Variants in MALRD1 observed in about 807,000 individuals in gnomAD.
The protein encoded by MALRD1 is MAM and LDL-receptor class A domain-containing protein 1.
A neutral mutation model predicts 242.1 loss-of-function variants in MALRD1; 247 were observed. The observed-to-expected ratio is 1.02, with a 90% CI of 0.92 to 1.13. The LOEUF is 1.13. MALRD1 is among the 50% of genes most tolerant of loss of function. MALRD1 has a pLI of 0.00. For missense variants in MALRD1, 2,989 were observed against 2,533.1 expected (o/e 1.18, Z -3.86); for synonymous variants, 995 against 866.6 (o/e 1.15, Z -2.60).
chr10:19,656,675 T>C (rs1841165895), intron 36 of MALRD1, among the ~76,000 whole-genome samples: 1 of 152,124 alleles, frequency 6.6e-6, no homozygotes, highest in Non-Finnish European at 1.5e-5. Flanking sequence ...TAGATACAAA[T>C]TTGGCATTCT....
rs562446434 is a variant in MALRD1, at chr10:19,531,126, T to G, written c.5321-68T>G. The stretch of plus-strand genomic sequence containing the variant: ...AGGATAAAAAGATATCTGTTAATAG[T>G]TTAAACACATTCCGACTCATGCGAT... On this transcript the variant is annotated intron_variant, in intron 31 of 39. Coordinates refer to ENST00000454679, the MANE Select transcript of MALRD1 (RefSeq NM_001142308.3). 1.4e-5 allele frequency: 19 copies of G among 1,326,106 alleles called. No homozygotes were observed. The South Asian group carries it at 2.8e-4, about 20-fold the overall frequency. 82.1% of individuals were successfully genotyped at this position (1,326,106 alleles called of 1,614,324 possible).
chr10:19,311,495 T>A (rs2131990852), intron 21 of MALRD1, among the ~76,000 whole-genome samples: 1 of 151,566 alleles, frequency 6.6e-6, no homozygotes, highest in African/African-American at 2.4e-5. Flanking sequence ...AGTATTCTAG[T>A]GACTTAATGA....
chr10:19,329,809 T>C (rs1214447574), intron 23 of MALRD1, among the ~76,000 whole-genome samples: 1 of 152,120 alleles, frequency 6.6e-6, no homozygotes, highest in Non-Finnish European at 1.5e-5. Context: ...GTTAATCACA[T>C]TCGGTATTAA....
intron 32 of MALRD1, among the ~76,000 whole-genome samples, chr10:19,561,556 A>T (rs1835962872): frequency 6.6e-6 from 1 of 152,168 alleles, no homozygotes; most frequent in Non-Finnish European, 1.5e-5. Context: ...TCTCTTGAAC[A>T]TTATATAATG....
chr10:19,170,581 C>G (rs1033871004), intron 13 of MALRD1, among the ~76,000 whole-genome samples: 1 of 151,974 alleles, frequency 6.6e-6, no homozygotes, highest in East Asian at 1.9e-4. Flanking sequence ...AAAAGGTGAT[C>G]GAGTCTCCGT....
intron 21 of MALRD1, among the ~76,000 whole-genome samples, chr10:19,315,523 C>CTATAATTTATATAAATATATAAA (rs1842639800): frequency 1.5e-4 from 9 of 59,034 alleles, no homozygotes; most frequent in East Asian, 8.7e-4. Flanking sequence ...AAATATATAA[C>CTATAATTTATATAAATATATAAA]TATAATTTAT....
chr10:19,281,162 A>T (rs960401519), intron 20 of MALRD1, among the ~76,000 whole-genome samples: 4 of 152,244 alleles, frequency 2.6e-5, no homozygotes, highest in African/African-American at 9.6e-5. Context: ...AAGTCATAAA[A>T]TCAAAGCTGA....
At chr10:19,474,030 A>G (rs10740906) in intron 29 of MALRD1, among the ~76,000 whole-genome samples, 130,889 of 151,888 alleles carry the variant, frequency 0.86, 56,558 homozygotes, top group East Asian at 1. Flanking sequence ...CATTCCCATG[A>G]GTGTAAGATG....
intron 18 of MALRD1, among the ~76,000 whole-genome samples, chr10:19,236,000 GA>G (rs1335177168): frequency 2.0e-5 from 3 of 152,134 alleles, no homozygotes; most frequent in Admixed American, 2.0e-4. Flanking sequence ...TAAACATATA[GA>G]GATAGCTGAA....
chr10:19,563,472 C>A (rs544038542), intron 32 of MALRD1, among the ~76,000 whole-genome samples: 199 of 152,176 alleles, frequency 1.3e-3, no homozygotes, highest in Middle Eastern at 3.4e-3. Flanking sequence ...AAGAGCAGAC[C>A]CCTTTTAGAA....
intron 28 of MALRD1, among the ~76,000 whole-genome samples, chr10:19,424,350 G>C (rs1272532941): frequency 1.3e-5 from 2 of 151,988 alleles, no homozygotes; most frequent in Admixed American, 6.6e-5. Context: ...AGTAGAGATG[G>C]GGTTTCGCCA....
At chr10:19,077,954 A>G (rs546774176) in intron 2 of MALRD1, among the ~76,000 whole-genome samples, 1 of 151,794 alleles carries the variant, frequency 6.6e-6, no homozygotes, top group African/African-American at 2.4e-5. Flanking sequence ...AGCAAAACTC[A>G]TAAAGTAATT....
At chr10:19,148,788 A>AAATATATATATATATATATATATATATAT (rs1206724666) in intron 11 of MALRD1, among the ~76,000 whole-genome samples, 6 of 88,044 alleles carry the variant, frequency 6.8e-5, no homozygotes, top group Admixed American at 1.1e-4. Context: ...AAAAAAAAAA[A>AAATATATATATATATATATATATATATAT]ATATATATAT....
Position 19,205,110 on chromosome 10 carries a change from A to G in MALRD1, c.2423A>G (p.Asp808Gly), listed in dbSNP as rs1321595363. The stretch of plus-strand genomic sequence containing the variant: ...TATGATGGGGTCTCAGCTATTGATG[A>G]CATCCGATTTGAAAATTGTACTCTC... ...GIYDGVSAID[D>G]IRFENCTLPL... The change falls in exon 17 of 40, where the codon GAC (aspartate) becomes GGC (glycine). Residue 808 changes from aspartate to glycine, a missense_variant. Asp to Gly is a moderately conservative substitution (Grantham distance 94, BLOSUM62 -1). Transcript: ENST00000454679. 2 of 1,550,562 alleles carry G rather than the reference A, an allele frequency of 1.3e-6. No homozygotes were observed. The highest frequency in any genetic ancestry group is 1.4e-5 in the African/African-American group (1 of 73,014).
At chr10:19,356,674 T>G (rs1844650661) in intron 26 of MALRD1, among the ~76,000 whole-genome samples, 1 of 152,122 alleles carries the variant, frequency 6.6e-6, no homozygotes, top group Admixed American at 6.6e-5. Context: ...GGCTATTGGT[T>G]ACCCCAGTGG....
At chr10:19,220,018 A>T (rs1438369627) in intron 18 of MALRD1, among the ~76,000 whole-genome samples, 1 of 152,144 alleles carries the variant, frequency 6.6e-6, no homozygotes, top group Non-Finnish European at 1.5e-5. Flanking sequence ...TAGACAGTTG[A>T]TGTACTTTTT....
intron 38 of MALRD1, among the ~76,000 whole-genome samples, chr10:19,713,252 T>C (rs1472571971): frequency 6.6e-6 from 1 of 152,222 alleles, no homozygotes; most frequent in African/African-American, 2.4e-5. Flanking sequence ...GACATAAAAT[T>C]ACTCTGTCAA....
At chr10:19,479,355 G>A (rs965642627) in intron 29 of MALRD1, among the ~76,000 whole-genome samples, 1 of 152,144 alleles carries the variant, frequency 6.6e-6, no homozygotes, top group African/African-American at 2.4e-5. Flanking sequence ...ATAATTCTTC[G>A]TGGAAGGAAC....
At chr10:19,377,384 C>G (rs1477963709) in intron 26 of MALRD1, among the ~76,000 whole-genome samples, 1 of 152,076 alleles carries the variant, frequency 6.6e-6, no homozygotes. Flanking sequence ...TGCCCTTAAG[C>G]TATTGGTAAT....
Sources: allele counts gnomAD v4.1 joint callset (sites outside exome capture counted in the v4.1 genomes callset), GRCh38; gene constraint gnomAD v4.1.1; transcripts MANE v1.5; gene names NCBI Gene and HGNC (gene_info 2026-07-23, HGNC 2026-07-21).